The following FAM110B variants were observed in gnomAD, a reference collection of about 807,000 sequenced individuals.
The protein encoded by FAM110B is family with sequence similarity 110 member B.
FAM110B carries 6 observed loss-of-function variants against 20.4 expected under a neutral mutation model. The observed-to-expected ratio is 0.29, with a 90% CI of 0.16 to 0.58. The LOEUF is 0.58. Ranked by LOEUF, FAM110B falls within the 20% of genes least tolerant of loss-of-function variation. The pLI is 0.90. For synonymous variants in FAM110B, 226 were observed against 214.1 expected, an observed-to-expected ratio of 1.06 and a Z score of -0.49; for missense variants, 434 against 498.2, an observed-to-expected ratio of 0.87 and a Z score of 1.23.
chr8:58,126,579 T>C (rs891444058), intron 3 of FAM110B, among the ~76,000 whole-genome samples: 1 of 152,180 alleles, frequency 6.6e-6, no homozygotes, highest in African/African-American at 2.4e-5. Context: ...TGTGTCTCTC[T>C]CTCTTTTTTT....
intron 3 of FAM110B, among the ~76,000 whole-genome samples, chr8:58,082,640 C>A (rs944976668): frequency 6.6e-6 from 1 of 152,072 alleles, no homozygotes; most frequent in Admixed American, 6.6e-5. Context: ...AACTCTGAAT[C>A]TGTAGAATCG....
At chr8:58,075,935 G>A (rs975169703) in intron 3 of FAM110B, among the ~76,000 whole-genome samples, 4 of 152,110 alleles carry the variant, frequency 2.6e-5, no homozygotes, top group Admixed American at 1.3e-4. Context: ...TCTCCCAGGA[G>A]TTTAGAAGTC....
chr8:58,059,934 G>A (rs9694139), intron 2 of FAM110B, among the ~76,000 whole-genome samples: 9,385 of 151,860 alleles, frequency 0.062, 410 homozygotes, highest in African/African-American at 0.11. Flanking sequence ...AAGGGTCAGC[G>A]TTTACTAATT....
rs2150646883 is a variant in FAM110B, at chr8:58,146,437, C to T, written c.207C>T (p.Asn69=). 1.9e-6 allele frequency: 3 copies of T among 1,613,736 alleles called. No homozygotes were observed. Among genetic ancestry groups the T allele is most frequent in the Middle Eastern group, 1.7e-4 (1 of 6,060 alleles). ...ACGTCAAGAGCCAGGAGGTGATCAA[C>T]GCCAAGCAGGAGCCCGTGAAGCCCG... The part of the protein sequence containing the change: ...AKYVKSQEVI[N]AKQEPVKPAV... The change falls in exon 4 of 4, where the codon AAC becomes AAT. Residue 69 remains asparagine, a synonymous_variant. Transcript: ENST00000519262.
At chr8:58,120,639 A>T (rs1426143814) in intron 3 of FAM110B, among the ~76,000 whole-genome samples, 1 of 152,198 alleles carries the variant, frequency 6.6e-6, no homozygotes, top group Non-Finnish European at 1.5e-5. Flanking sequence ...TCCACTGCAG[A>T]TAAGAATAAG....
At chr8:58,123,142 C>G (rs1205265388) in intron 3 of FAM110B, among the ~76,000 whole-genome samples, 2 of 152,196 alleles carry the variant, frequency 1.3e-5, no homozygotes, top group African/African-American at 4.8e-5. Flanking sequence ...CTGCTCCCGC[C>G]TGCCAAGGAC....
At chr8:58,106,572 C>G (rs368162781) in intron 3 of FAM110B, among the ~76,000 whole-genome samples, 3 of 152,054 alleles carry the variant, frequency 2.0e-5, no homozygotes, top group Non-Finnish European at 4.4e-5. Context: ...CCAACAGGAA[C>G]CCAGGGAAGG....
chr8:58,028,511 A>T (rs1804896203), intron 1 of FAM110B, among the ~76,000 whole-genome samples: 1 of 152,136 alleles, frequency 6.6e-6, no homozygotes, highest in Non-Finnish European at 1.5e-5. Flanking sequence ...TATGTTGAAG[A>T]TCTCTTCCTG....
intron 3 of FAM110B, among the ~76,000 whole-genome samples, chr8:58,138,113 G>A (rs759048838): frequency 6.6e-5 from 10 of 152,222 alleles, no homozygotes; most frequent in South Asian, 2.1e-4. Context: ...AGCATTCAGC[G>A]GAAGTGACAA....
At chr8:58,009,122 G>A (rs1804475019) in intron 1 of FAM110B, among the ~76,000 whole-genome samples, 1 of 152,242 alleles carries the variant, frequency 6.6e-6, no homozygotes, top group African/African-American at 2.4e-5. Context: ...CAGGGGACTT[G>A]ATAGGGGGAC....
intron 2 of FAM110B, among the ~76,000 whole-genome samples, chr8:58,052,229 G>A (rs750567235): frequency 6.6e-6 from 1 of 152,172 alleles, no homozygotes; most frequent in Non-Finnish European, 1.5e-5. Context: ...GTTTGCAGTG[G>A]AACTTGAAAT....
At position 58,137,504 on chromosome 8, in the gene FAM110B, G is replaced by T. The variant is rs139149297; in HGVS notation, c.-324-8403G>T. Among the ~76,000 whole-genome samples the T allele has an allele frequency of 3.9e-4, 59 of 152,148 alleles. No individual in the cohort carries two copies. The East Asian group carries it at 0.01, about 27-fold the overall frequency. On this transcript the variant is annotated intron_variant, in intron 3 of 3. Transcript: ENST00000519262. ...TGAAATAGGAGGCGGAGGTTGCAGTGAGCTAAGATTGCGCCATTGCACTCC... is the reference window on the plus strand; with the variant it reads ...TGAAATAGGAGGCGGAGGTTGCAGTTAGCTAAGATTGCGCCATTGCACTCC...
intron 2 of FAM110B, among the ~76,000 whole-genome samples, chr8:58,059,229 T>C (rs1334165739): frequency 6.6e-6 from 1 of 152,232 alleles, no homozygotes; most frequent in Non-Finnish European, 1.5e-5. Flanking sequence ...ACAGTTTGAA[T>C]AAAGTTGCTG....
At chr8:58,069,236 A>T (rs1805838164) in intron 2 of FAM110B, among the ~76,000 whole-genome samples, 6 of 152,226 alleles carry the variant, frequency 3.9e-5, no homozygotes, top group Admixed American at 2.0e-4. Context: ...AAGGGAGACA[A>T]TATGGAGTGG....
chr8:58,029,106 C>CACTG (rs1050141559), intron 1 of FAM110B, among the ~76,000 whole-genome samples: 3 of 152,088 alleles, frequency 2.0e-5, no homozygotes, highest in African/African-American at 7.2e-5. Flanking sequence ...CCTGGGTGAC[C>CACTG]CAAGTGCTCT....
At chr8:58,081,438 C>A (rs762819695) in intron 3 of FAM110B, among the ~76,000 whole-genome samples, 15 of 152,172 alleles carry the variant, frequency 9.9e-5, no homozygotes, top group Non-Finnish European at 1.8e-4. Flanking sequence ...AACTCCTGAC[C>A]TCAAGTGATC....
At chr8:58,083,577 C>T (rs570985926) in intron 3 of FAM110B, among the ~76,000 whole-genome samples, 5 of 152,304 alleles carry the variant, frequency 3.3e-5, no homozygotes, top group Non-Finnish European at 7.4e-5. Context: ...ATTGTCTCCA[C>T]GTTCACTACT....
Position 58,146,091 on chromosome 8 carries a change from C to A in FAM110B, c.-140C>A. ...GGTTAATGAGCTGTGAGATGAGGCG[C>A]TGCTGCGGCCGCTGCTGCTGACACT... On this transcript the variant is annotated 5_prime_UTR_variant, in exon 4 of 4. It adds an upstream start codon to the 5' untranslated region. Transcript: ENST00000519262. 2 of 968,226 alleles carry A rather than the reference C, an allele frequency of 2.1e-6. No homozygotes were observed. Among genetic ancestry groups the A allele is most frequent in the African/African-American group, 1.6e-5 (1 of 60,702 alleles). 60.0% of individuals were successfully genotyped at this position (968,226 alleles called of 1,614,324 possible). A position where few individuals can be genotyped will look rare whatever the true frequency, so the allele number is the denominator to read the frequency against.
At chr8:58,062,511 G>C (rs1272649577) in intron 2 of FAM110B, among the ~76,000 whole-genome samples, 1 of 152,112 alleles carries the variant, frequency 6.6e-6, no homozygotes, top group East Asian at 1.9e-4. Flanking sequence ...TATATAAATG[G>C]AAATATCTTT....
Sources: allele counts gnomAD v4.1 joint callset (sites outside exome capture counted in the v4.1 genomes callset), GRCh38; gene constraint gnomAD v4.1.1; transcripts MANE v1.5; gene names NCBI Gene and HGNC (gene_info 2026-07-23, HGNC 2026-07-21).